The following NEK10 variants were observed in gnomAD, a reference collection of about 807,000 sequenced individuals.
NEK10 encodes serine/threonine-protein kinase Nek10.
Under a neutral mutation model 159.8 loss-of-function variants are expected in NEK10, and 122 were observed. The observed-to-expected ratio is 0.76, with a 90% CI of 0.66 to 0.89. NEK10 has a LOEUF of 0.89. Among genes scored for constraint, NEK10 ranks in the 40% least tolerant of loss-of-function variants. NEK10 has a pLI of 0.00. For synonymous variants in NEK10, 466 were observed against 457.1 expected (o/e 1.02, Z -0.25); for missense variants, 1,342 against 1,323.1 (o/e 1.01, Z -0.22).
Position 27,304,940 on chromosome 3 carries a change from C to A in NEK10, c.835G>T (p.Ala279Ser), listed in dbSNP as rs1445984966. The A allele has an allele frequency of 1.2e-6, 2 of 1,613,114 alleles. No individual in the cohort carries two copies. The highest frequency in any genetic ancestry group is 1.3e-5 in the African/African-American group (1 of 75,020). ...ACCTGCTCTTTCACCTGGGGCTCTG[C>A]ACAAAGTAGGCGCAGCAACTCCGCT... ...LTAELLRLLC[A>S]EPQVKEQVKL... The change falls in exon 12 of 36, where the codon GCA becomes TCA. Residue 279 changes from alanine to serine, a missense_variant. By Grantham distance (99) the Ala-to-Ser change is moderately conservative. Transcript: ENST00000691995.
At chr3:27,115,582 G>A (rs1940283016) in intron 35 of NEK10, among the ~76,000 whole-genome samples, 1 of 152,170 alleles carries the variant, frequency 6.6e-6, no homozygotes, top group Non-Finnish European at 1.5e-5. Context: ...AGATTTAAGT[G>A]ATAGGAGTGA....
intron 25 of NEK10, among the ~76,000 whole-genome samples, chr3:27,197,129 CAG>C (rs1178798887): frequency 6.6e-6 from 1 of 151,952 alleles, no homozygotes; most frequent in Non-Finnish European, 1.5e-5. Context: ...GATCAGAAAA[CAG>C]GGACGCAGAA....
At chr3:27,182,559 G>A (rs9848482) in intron 26 of NEK10, among the ~76,000 whole-genome samples, 98,731 of 151,728 alleles carry the variant, frequency 0.65, 34,023 homozygotes, top group African/African-American at 0.89. Flanking sequence ...AACTAAAAAT[G>A]GAAATACCAT....
intron 5 of NEK10, among the ~76,000 whole-genome samples, chr3:27,338,325 C>A (rs1277837346): frequency 6.6e-6 from 1 of 152,142 alleles, no homozygotes; most frequent in African/African-American, 2.4e-5. Flanking sequence ...TTTTCTTTAC[C>A]CAGTCTATTA....
intron 22 of NEK10, among the ~76,000 whole-genome samples, chr3:27,281,344 C>G (rs201896067): frequency 2.0e-5 from 3 of 151,916 alleles, no homozygotes; most frequent in Non-Finnish European, 4.4e-5. Context: ...GAAGAGCACA[C>G]GTGGCTACAG....
rs570651704 is a variant in NEK10 at position 27,206,519 on chromosome 3, C to CCCTT, written c.2091-3966_2091-3963dup. ...CTCCCTCTCAGATACCATATAATGA[C>CCCTT]CCTTCAGTGGCTTCCTCCTTCATTC... On this transcript the variant is annotated intron_variant, in intron 23 of 35. Transcript: ENST00000691995. 272 of 880,982 alleles carry CCCTT rather than the reference C, an allele frequency of 3.1e-4. 1 individual carries two copies. The African/African-American group carries it at 4.8e-3, about 16-fold the overall frequency. The allele number at this position is 880,982 out of a possible 1,614,324, so 54.6% of individuals were successfully genotyped here.
chr3:27,135,739 T>C (rs1482443641), intron 31 of NEK10, among the ~76,000 whole-genome samples: 1 of 152,260 alleles, frequency 6.6e-6, no homozygotes, highest in East Asian at 1.9e-4. Context: ...GTTCAAAGAC[T>C]GTTATCAAAC....
At chr3:27,302,915 G>A (rs962206716) in intron 12 of NEK10, among the ~76,000 whole-genome samples, 1 of 152,088 alleles carries the variant, frequency 6.6e-6, no homozygotes, top group Non-Finnish European at 1.5e-5. Context: ...AGCCCTTTGG[G>A]AGCTGCCTTT....
At position 27,322,162 on chromosome 3, in the gene NEK10, AT is replaced by A; in HGVS notation, c.447+14del. 7.0e-7 allele frequency: 1 copy of A among 1,424,440 alleles called. No individual in the cohort carries two copies. The highest frequency in any genetic ancestry group is 9.6e-7 in the Non-Finnish European group (1 of 1,044,220). 88.2% of individuals were successfully genotyped at this position (1,424,440 alleles called of 1,614,324 possible). ...TATAACAAGTAAAAAAAAAAATTGT[AT>A]TTTTCCAACCAACCTGATAACATGG... On this transcript the variant is annotated intron_variant, in intron 6 of 35. Coordinates refer to ENST00000691995, the MANE Select transcript of NEK10 (RefSeq NM_001394966.1).
intron 22 of NEK10, 123 bp from the exon 23 acceptor site, chr3:27,256,494 A>T: frequency 2.3e-6 from 1 of 431,244 alleles, no homozygotes; most frequent in Non-Finnish European, 4.1e-6. Context: ...TCTTTTCTTA[A>T]TGCTATATAT....
intron 23 of NEK10, among the ~76,000 whole-genome samples, chr3:27,223,248 T>A (rs1236645850): frequency 6.6e-6 from 1 of 152,208 alleles, no homozygotes; most frequent in African/African-American, 2.4e-5. Flanking sequence ...CTCTTTCCTG[T>A]CTGGAAACAA....
At chr3:27,253,952 C>G (rs1955916892) in intron 23 of NEK10, among the ~76,000 whole-genome samples, 1 of 152,172 alleles carries the variant, frequency 6.6e-6, no homozygotes, top group Non-Finnish European at 1.5e-5. Flanking sequence ...AATGCCCCAG[C>G]CCACGCCCTG....
chr3:27,135,547 G>C (rs1575450747), intron 31 of NEK10, among the ~76,000 whole-genome samples: 1 of 152,268 alleles, frequency 6.6e-6, no homozygotes, highest in East Asian at 1.9e-4. Context: ...AGAATATATG[G>C]ATTCTTTTAA....
At chr3:27,364,231 G>A (rs1487356456) in intron 1 of NEK10, among the ~76,000 whole-genome samples, 1 of 152,072 alleles carries the variant, frequency 6.6e-6, no homozygotes, top group African/African-American at 2.4e-5. Context: ...CTGGAGTGCA[G>A]TGGCACAATC....
At chr3:27,282,324 A>C (rs999108184) in intron 22 of NEK10, among the ~76,000 whole-genome samples, 15 of 151,924 alleles carry the variant, frequency 9.9e-5, no homozygotes. Flanking sequence ...ATAATGATTA[A>C]AGAAAGTAAA....
intron 32 of NEK10, among the ~76,000 whole-genome samples, chr3:27,131,295 C>G (rs1468727612): frequency 6.6e-6 from 1 of 152,108 alleles, no homozygotes; most frequent in Admixed American, 6.6e-5. Context: ...CCAACCAGGA[C>G]AAAGGGATTT....
intron 6 of NEK10, among the ~76,000 whole-genome samples, chr3:27,319,378 A>G (rs1435839939): frequency 6.6e-6 from 1 of 152,178 alleles, no homozygotes; most frequent in Non-Finnish European, 1.5e-5. Context: ...TTCACTAAAC[A>G]TATAATGGAA....
At chr3:27,129,132 TC>T (rs1391217667) in intron 32 of NEK10, among the ~76,000 whole-genome samples, 1 of 152,118 alleles carries the variant, frequency 6.6e-6, no homozygotes, top group African/African-American at 2.4e-5. Flanking sequence ...GTTGCTTTAC[TC>T]CCCTCGCAAT....
At chr3:27,239,287 T>A (rs1332809675) in intron 23 of NEK10, among the ~76,000 whole-genome samples, 1 of 152,212 alleles carries the variant, frequency 6.6e-6, no homozygotes, top group Non-Finnish European at 1.5e-5. Context: ...AAATCAGTGA[T>A]GAGAAATATT....
Sources: gnomAD v4.1 joint callset for allele counts (sites outside exome capture counted in the v4.1 genomes callset) on GRCh38, gnomAD v4.1.1 for gene constraint, MANE v1.5 for transcripts, NCBI Gene and HGNC (gene_info 2026-07-23, HGNC 2026-07-21) for gene names.